SDHB: variants seen among roughly 807,000 people sequenced by gnomAD.
The protein encoded by SDHB is succinate dehydrogenase complex iron sulfur subunit B.
In SDHB, 21 loss-of-function variants were observed where a neutral mutation model predicts 39.7. The ratio of observed to expected loss-of-function variants is 0.53; its 90% confidence interval spans 0.37 to 0.76. The LOEUF (loss-of-function observed/expected upper bound fraction) is 0.76. SDHB is among the 30% of genes least tolerant of loss of function. The pLI is 0.00. For synonymous variants in SDHB, 118 were observed against 117.0 expected (o/e 1.01, Z -0.06); for missense variants, 343 against 350.9 (o/e 0.98, Z 0.18).
At chr1:17,046,024 T>C (rs940386139) in intron 1 of SDHB, among the ~76,000 whole-genome samples, 2 of 152,204 alleles carry the variant, frequency 1.3e-5, no homozygotes. Context: ...CTTGACGACT[T>C]GTGGTCAAGA....
intron 1 of SDHB, among the ~76,000 whole-genome samples, chr1:17,045,770 G>A (rs2078106525): frequency 6.6e-6 from 1 of 152,142 alleles, no homozygotes; most frequent in Non-Finnish European, 1.5e-5. Flanking sequence ...TAGAGACAGG[G>A]AGTCTTCACT....
intron 1 of SDHB, among the ~76,000 whole-genome samples, chr1:17,051,347 C>T (rs922208969): frequency 1.3e-5 from 2 of 152,164 alleles, no homozygotes; most frequent in African/African-American, 4.8e-5. Flanking sequence ...TAAGCAACAA[C>T]TGAACTGAGA....
chr1:17,031,405 T>C (rs1294607419), intron 3 of SDHB, among the ~76,000 whole-genome samples: 2 of 152,168 alleles, frequency 1.3e-5, no homozygotes, highest in African/African-American at 2.4e-5. Flanking sequence ...GGAGTAGCAA[T>C]TGATACAATT....
At chr1:17,049,644 G>GTTTT (rs1570960889) in intron 1 of SDHB, among the ~76,000 whole-genome samples, 31 of 45,866 alleles carry the variant, frequency 6.8e-4, no homozygotes, top group East Asian at 3.4e-3. Context: ...TAATCCCCTA[G>GTTTT]TTCTTTTTTT....
intron 2 of SDHB, among the ~76,000 whole-genome samples, chr1:17,040,627 C>T (rs2078074459): frequency 6.6e-6 from 1 of 151,854 alleles, no homozygotes; most frequent in African/African-American, 2.4e-5. Flanking sequence ...GCTAATTTTT[C>T]AAAGAAAAAA....
chr1:17,027,773 C>A lies in SDHB; in HGVS notation c.516G>T (p.Gln172His). Residue 172 changes from glutamine (Q) to histidine (H), a missense_variant, in exon 5 of 8, where the codon CAG becomes CAT. Transcript: ENST00000375499. Reference sequence around the variant, plus strand: ...CCAGTTTCTCACGCTCTTCTATGGACTGCAGATACTGCTGCTTGCCTTCCT... The same window carrying A: ...CCAGTTTCTCACGCTCTTCTATGGAATGCAGATACTGCTGCTTGCCTTCCT... Reference protein sequence around the residue: ...ESQEGKQQYLQSIEEREKLDG... With the variant: ...ESQEGKQQYLHSIEEREKLDG... 1 of 1,605,406 alleles carries A rather than the reference C, an allele frequency of 6.2e-7. No individual in the cohort carries two copies. The highest frequency in any genetic ancestry group is 2.2e-5 in the East Asian group (1 of 44,854).
chr1:17,022,464 T>C, intron 7 of SDHB, 144 bp downstream of exon 7: 1 of 1,163,210 alleles, frequency 8.6e-7, no homozygotes, highest in Non-Finnish European at 1.3e-6. Context: ...GCCCCTAGGC[T>C]CACACTGAAA....
At chr1:17,034,340 G>A (rs183205953) in intron 2 of SDHB, among the ~76,000 whole-genome samples, 47 of 151,954 alleles carry the variant, frequency 3.1e-4, no homozygotes, top group African/African-American at 1.1e-3. Flanking sequence ...GTAGAGGTGG[G>A]ATTTCGCCAT....
At chr1:17,022,071 T>C (rs755758148) in intron 7 of SDHB, among the ~76,000 whole-genome samples, 1 of 152,028 alleles carries the variant, frequency 6.6e-6, no homozygotes, top group Non-Finnish European at 1.5e-5. Flanking sequence ...GGCGGGTGGC[T>C]GAAGCTGGAA....
intron 7 of SDHB, 149 bp downstream of exon 7, chr1:17,022,458 CT>C (rs1170569879): frequency 1.1e-5 from 12 of 1,116,322 alleles, no homozygotes; most frequent in Admixed American, 7.0e-5. Context: ...AAACTAGCCC[CT>C]AGGCTCACAC....
At chr1:17,051,667 A>G (rs1169252210) in intron 1 of SDHB, among the ~76,000 whole-genome samples, 1 of 143,714 alleles carries the variant, frequency 7.0e-6, no homozygotes, top group African/African-American at 2.6e-5. Flanking sequence ...GGTGGGTAGT[A>G]TTAATATCTG....
At position 17,022,688 on chromosome 1, in the gene SDHB, CCT is replaced by C. The variant is rs762812025; in HGVS notation, c.683_684del (p.Glu228GlyfsTer27). On this transcript the variant is annotated frameshift_variant, in exon 7 of 8. Coordinates refer to ENST00000375499, the MANE Select transcript of SDHB (RefSeq NM_003000.3). LOFTEE classifies it high-confidence loss of function. ...GGGTCCTGCAGCTTGGCCAGGCGCTCCTCTGTGAAGTCATCTCTGGAGTCAAT... is the reference window on the plus strand; with the variant it reads ...GGGTCCTGCAGCTTGGCCAGGCGCTCCTGTGAAGTCATCTCTGGAGTCAAT... ...WMIDSRDDFTEERLAKLQDPF... is the reference protein window; with the variant it reads ...WMIDSRDDFTXERLAKLQDPF... 1.2e-6 allele frequency: 2 copies of C among 1,613,978 alleles called. No homozygotes were observed. Among genetic ancestry groups the C allele is most frequent in the Non-Finnish European group, 8.5e-7 (1 of 1,179,912 alleles).
chr1:17,048,520 G>C (rs2078126010), intron 1 of SDHB, among the ~76,000 whole-genome samples: 1 of 152,028 alleles, frequency 6.6e-6, no homozygotes, highest in East Asian at 1.9e-4. Flanking sequence ...GTAATTGTTG[G>C]GCTGTATGGT....
In SDHB at chr1:17,042,954, GTTTTTTTTTT is replaced by G. The variant is rs143394198; in HGVS notation, c.200+1797_200+1806del. 1.9e-4 allele frequency among the ~76,000 whole-genome samples: 12 copies of G among 62,894 alleles called. No individual in the cohort carries two copies. The Admixed American group carries it at 2.3e-3, about 12-fold the overall frequency. The allele number at this position is 62,894 out of a possible 152,430, so 41.3% of individuals were successfully genotyped here. Reference sequence around the variant, plus strand: ...AGCAGTAGGGTTTTTTGTTTTATGAGTTTTTTTTTTTTTTTTTTTTTTTTTGAGACAGAGT... The same window carrying G: ...AGCAGTAGGGTTTTTTGTTTTATGAGTTTTTTTTTTTTTTTGAGACAGAGT... On this transcript the variant is annotated intron_variant, in intron 2 of 7. Transcript: ENST00000375499.
At chr1:17,044,922 A>G (rs1557746716) in intron 1 of SDHB, 34 bp from the exon 2 acceptor site, 1 of 1,601,728 alleles carries the variant, frequency 6.2e-7, no homozygotes. Context: ...AAAGGAAAAA[A>G]AAATTAGAAA....
intron 1 of SDHB, among the ~76,000 whole-genome samples, chr1:17,053,438 A>G (rs2078159487): frequency 6.6e-6 from 1 of 151,672 alleles, no homozygotes; most frequent in African/African-American, 2.4e-5. Context: ...ATTTCCCTCC[A>G]TCTCTCCCTT....
intron 1 of SDHB, among the ~76,000 whole-genome samples, chr1:17,049,090 C>T (rs1025452991): frequency 8.5e-5 from 13 of 152,114 alleles, no homozygotes; most frequent in African/African-American, 2.9e-4. Context: ...GCCTTTAACT[C>T]CTGGGCTCAG....
At chr1:17,024,646 C>T (rs1451000229) in intron 5 of SDHB, among the ~76,000 whole-genome samples, 2 of 152,168 alleles carry the variant, frequency 1.3e-5, no homozygotes, top group East Asian at 1.9e-4. Context: ...GGAACCAAGG[C>T]GAGGAGAGTG....
At chr1:17,048,800 T>C (rs1193562270) in intron 1 of SDHB, among the ~76,000 whole-genome samples, 2 of 151,628 alleles carry the variant, frequency 1.3e-5, no homozygotes, top group Non-Finnish European at 2.9e-5. Flanking sequence ...AACCTCCACC[T>C]CCCGACTTCA....
Sources: allele counts gnomAD v4.1 joint callset (sites outside exome capture counted in the v4.1 genomes callset), GRCh38; gene constraint gnomAD v4.1.1; transcripts MANE v1.5; gene names NCBI Gene and HGNC (gene_info 2026-07-23, HGNC 2026-07-21).